SGCD: variants seen among roughly 807,000 people sequenced by gnomAD.
SGCD encodes the protein sarcoglycan delta, also known as delta-sarcoglycan.
SGCD carries 18 observed loss-of-function variants against 36.6 expected under a neutral mutation model. The ratio of observed to expected loss-of-function variants is 0.49; its 90% CI spans 0.34 to 0.73. The LOEUF (loss-of-function observed/expected upper bound fraction) is 0.73, where lower values mean the gene tolerates loss of function less well. Among genes scored for constraint, SGCD ranks in the 30% least tolerant of loss-of-function variants. SGCD has a pLI of 0.01. For missense variants in SGCD, 387 were observed against 346.7 expected (o/e 1.12, Z -0.92); for synonymous variants, 133 against 130.6 (o/e 1.02, Z -0.12).
At chr5:156,279,565 A>G (rs942011550) in intron 3 of SGCD, among the ~76,000 whole-genome samples, 8 of 152,226 alleles carry the variant, frequency 5.3e-5, no homozygotes, top group Admixed American at 1.3e-4. Context: ...ACTCACAAAC[A>G]TGTAAAATAT....
chr5:156,625,432 C>T (rs1464336761), intron 6 of SGCD, among the ~76,000 whole-genome samples: 2 of 152,052 alleles, frequency 1.3e-5, no homozygotes, highest in Non-Finnish European at 1.5e-5. Context: ...ACCATAAACA[C>T]GATTTTGAGA....
At chr5:156,408,890 T>G (rs1230036990) in intron 3 of SGCD, among the ~76,000 whole-genome samples, 1 of 152,136 alleles carries the variant, frequency 6.6e-6, no homozygotes, top group Non-Finnish European at 1.5e-5. Context: ...CTTCTTCAAG[T>G]CTCAGTTTTC....
intron 3 of SGCD, among the ~76,000 whole-genome samples, chr5:156,170,105 C>T (rs1329183222): frequency 7.2e-5 from 11 of 152,132 alleles, no homozygotes; most frequent in Admixed American, 7.2e-4. Flanking sequence ...CCAGCAAGCG[C>T]TGAAGGGAGG....
chr5:156,026,931 T>C (rs931128029), intron 1 of SGCD, among the ~76,000 whole-genome samples: 1 of 152,138 alleles, frequency 6.6e-6, no homozygotes, highest in African/African-American at 2.4e-5. Context: ...TGAAAAAAAA[T>C]ATGAATGAAT....
Position 156,080,537 on chromosome 5 carries a change from C to T in SGCD, c.-281-37341C>T, listed in dbSNP as rs1671479836. 3.3e-5 allele frequency among the ~76,000 whole-genome samples: 5 copies of T among 152,304 alleles called. No individual in the cohort carries two copies. The South Asian group carries it at 1.0e-3, about 32-fold the overall frequency. Reference sequence around the variant, plus strand: ...TCTAACTTTGTTGTTTCATTGCTCCCACATCTGAGCATAAGCTATTAAAAG... The same window carrying T: ...TCTAACTTTGTTGTTTCATTGCTCCTACATCTGAGCATAAGCTATTAAAAG... On this transcript the variant is annotated intron_variant, in intron 1 of 9. Transcript: ENST00000517913.
chr5:156,124,767 A>G (rs1466825680), intron 3 of SGCD, among the ~76,000 whole-genome samples: 3 of 151,974 alleles, frequency 2.0e-5, no homozygotes, highest in African/African-American at 7.3e-5. Context: ...GGAGGGACAG[A>G]TGGAGGGAGG....
At chr5:156,275,176 T>C (rs1226575138) in intron 3 of SGCD, among the ~76,000 whole-genome samples, 3 of 152,040 alleles carry the variant, frequency 2.0e-5, no homozygotes, top group Admixed American at 6.6e-5. Flanking sequence ...TGAGGGAGAA[T>C]AGGAAAATAG....
chr5:156,518,953 A>T (rs1561750659), intron 4 of SGCD, among the ~76,000 whole-genome samples: 1 of 152,280 alleles, frequency 6.6e-6, no homozygotes, highest in South Asian at 2.1e-4. Context: ...CTAGAGAACC[A>T]AGAGCAAACA....
chr5:156,502,173 A>C (rs1341887936), intron 3 of SGCD, among the ~76,000 whole-genome samples: 2 of 151,902 alleles, frequency 1.3e-5, no homozygotes, highest in Admixed American at 1.3e-4. Context: ...CAGCCTCCTG[A>C]ATAGCTGGGG....
chr5:155,881,504 C>T (rs945880216), intron 1 of SGCD, among the ~76,000 whole-genome samples: 10 of 152,150 alleles, frequency 6.6e-5, no homozygotes, highest in African/African-American at 2.2e-4. Flanking sequence ...GCTGAGCCTT[C>T]AGTGAGTAGT....
At chr5:156,175,199 G>A (rs988282830) in intron 3 of SGCD, among the ~76,000 whole-genome samples, 4 of 152,016 alleles carry the variant, frequency 2.6e-5, no homozygotes, top group South Asian at 2.1e-4. Flanking sequence ...AATATTTATG[G>A]TATTTAGGAT....
chr5:156,044,883 A>G (rs1247269644), intron 1 of SGCD, among the ~76,000 whole-genome samples: 1 of 152,112 alleles, frequency 6.6e-6, no homozygotes. Context: ...GTGTGAATAT[A>G]CACACATGCA....
intron 1 of SGCD, among the ~76,000 whole-genome samples, chr5:156,105,335 C>T (rs1275036229): frequency 6.6e-6 from 1 of 152,170 alleles, no homozygotes; most frequent in Non-Finnish European, 1.5e-5. Flanking sequence ...TATGTGTGCC[C>T]TCCTGTATAA....
chr5:156,476,781 A>G (rs1020682107), intron 3 of SGCD, among the ~76,000 whole-genome samples: 2 of 152,062 alleles, frequency 1.3e-5, no homozygotes, highest in Non-Finnish European at 2.9e-5. Flanking sequence ...TATAACAATG[A>G]CTCTGGGAAT....
chr5:156,332,093 A>C (rs547302637), intron 2 of SGCD, among the ~76,000 whole-genome samples: 47 of 152,168 alleles, frequency 3.1e-4, no homozygotes, highest in Non-Finnish European at 6.3e-4. Context: ...CAGTGTCTGG[A>C]CAGCATAATT....
chr5:155,835,002 ATTTTTTTTTT>A, the SGCD span, among the ~76,000 whole-genome samples: 1 of 60,184 alleles, frequency 1.7e-5, no homozygotes, highest in Non-Finnish European at 3.1e-5. Flanking sequence ...TGCCCAGCTA[ATTTTTTTTTT>A]TTTTTTTTTT....
intron 3 of SGCD, among the ~76,000 whole-genome samples, chr5:156,366,393 G>A (rs1218437593): frequency 6.6e-6 from 1 of 152,150 alleles, no homozygotes; most frequent in African/African-American, 2.4e-5. Flanking sequence ...GACAGATCAG[G>A]CATAGATAGA....
chr5:156,008,979 G>T (rs1400242840), intron 1 of SGCD, among the ~76,000 whole-genome samples: 1 of 152,110 alleles, frequency 6.6e-6, no homozygotes, highest in Non-Finnish European at 1.5e-5. Flanking sequence ...ATGTTTGGAG[G>T]TATCTGAAGT....
chr5:156,527,593 T>G (rs1368839601), intron 4 of SGCD, among the ~76,000 whole-genome samples: 1 of 152,242 alleles, frequency 6.6e-6, no homozygotes, highest in Non-Finnish European at 1.5e-5. Flanking sequence ...TTACTTCTCT[T>G]CATGTCTCAG....
Sources: gnomAD v4.1 joint callset for allele counts (sites outside exome capture counted in the v4.1 genomes callset) on GRCh38, gnomAD v4.1.1 for gene constraint, MANE v1.5 for transcripts, NCBI Gene and HGNC (gene_info 2026-07-23, HGNC 2026-07-21) for gene names.